ATP8A2: variants seen among roughly 807,000 people sequenced by gnomAD.
The protein encoded by ATP8A2 is ATPase phospholipid transporting 8A2.
Under a neutral mutation model 165.6 loss-of-function variants are expected in ATP8A2, and 100 were observed. The ratio of observed to expected loss-of-function variants is 0.60; its 90% CI spans 0.51 to 0.71. The LOEUF is 0.71. Ranked by LOEUF, ATP8A2 falls within the 30% of genes least tolerant of loss-of-function variation. The pLI is 0.00. For missense variants in ATP8A2, 1,227 were observed against 1,479.5 expected (o/e 0.83, Z 2.80); for synonymous variants, 543 against 548.8 (o/e 0.99, Z 0.15).
intron 13 of ATP8A2, among the ~76,000 whole-genome samples, chr13:25,557,780 T>C (rs939795446): frequency 6.6e-6 from 1 of 152,202 alleles, no homozygotes; most frequent in Non-Finnish European, 1.5e-5. Context: ...TTCATCCTAA[T>C]TGAGGATATG....
At chr13:25,816,199 G>A (rs534776378) in intron 27 of ATP8A2, among the ~76,000 whole-genome samples, 4 of 152,240 alleles carry the variant, frequency 2.6e-5, no homozygotes, top group Admixed American at 2.6e-4. Flanking sequence ...TACCAAAAAG[G>A]ACATAAAACA....
intron 26 of ATP8A2, 100 bp downstream of exon 26, chr13:25,769,329 C>T: frequency 8.4e-7 from 1 of 1,185,260 alleles, no homozygotes; most frequent in East Asian, 2.5e-5. Flanking sequence ...AAACCTCTGC[C>T]ACCCCTCTTG....
At chr13:25,848,580 A>C (rs1209252214) in intron 30 of ATP8A2, among the ~76,000 whole-genome samples, 1 of 152,236 alleles carries the variant, frequency 6.6e-6, no homozygotes, top group Non-Finnish European at 1.5e-5. Flanking sequence ...AAAAAAGAGA[A>C]AGATTGAAAT....
intron 24 of ATP8A2, among the ~76,000 whole-genome samples, chr13:25,692,537 T>G (rs1350538244): frequency 6.6e-6 from 1 of 152,184 alleles, no homozygotes; most frequent in African/African-American, 2.4e-5. Flanking sequence ...TCTAGAAGTT[T>G]TCATCTCTCC....
chr13:25,725,462 G>A (rs1331300538), intron 25 of ATP8A2, among the ~76,000 whole-genome samples: 1 of 152,196 alleles, frequency 6.6e-6, no homozygotes, highest in Non-Finnish European at 1.5e-5. Context: ...CCTCTGAGAT[G>A]ACTATTCCCA....
chr13:25,596,578 A>G (rs2040241649), intron 24 of ATP8A2, among the ~76,000 whole-genome samples: 2 of 152,134 alleles, frequency 1.3e-5, no homozygotes, highest in African/African-American at 4.8e-5. Context: ...ATATTCATCC[A>G]TGTTGCTGTG....
At chr13:25,873,043 G>A (rs1362777844) in intron 33 of ATP8A2, among the ~76,000 whole-genome samples, 2 of 152,088 alleles carry the variant, frequency 1.3e-5, no homozygotes, top group African/African-American at 2.4e-5. Context: ...CTTGACCAAC[G>A]CAGATCTGGA....
intron 16 of ATP8A2, among the ~76,000 whole-genome samples, chr13:25,566,253 G>C (rs1388924790): frequency 1.3e-5 from 2 of 151,954 alleles, no homozygotes; most frequent in African/African-American, 4.8e-5. Context: ...TGGAGTCTAT[G>C]TTCTGTTTCA....
intron 1 of ATP8A2, among the ~76,000 whole-genome samples, chr13:25,391,168 C>T (rs1205000419): frequency 6.6e-6 from 1 of 152,176 alleles, no homozygotes; most frequent in African/African-American, 2.4e-5. Flanking sequence ...TATCCTGCTT[C>T]TGGGAAGAAT....
At chr13:25,838,563 A>ATT (rs538099896) in intron 29 of ATP8A2, among the ~76,000 whole-genome samples, 8 of 145,600 alleles carry the variant, frequency 5.5e-5, no homozygotes, top group African/African-American at 1.3e-4. Context: ...ACTTTGAAGA[A>ATT]TTTTTTTTTT....
At chr13:25,406,830 C>T (rs962773648) in intron 1 of ATP8A2, among the ~76,000 whole-genome samples, 5 of 152,198 alleles carry the variant, frequency 3.3e-5, no homozygotes, top group African/African-American at 7.2e-5. Context: ...TTTCACAAAC[C>T]GTTGTATAGC....
intron 2 of ATP8A2, among the ~76,000 whole-genome samples, chr13:25,478,427 A>C (rs2036055988): frequency 6.6e-6 from 1 of 152,182 alleles, no homozygotes; most frequent in African/African-American, 2.4e-5. Flanking sequence ...TTCAAGAGGG[A>C]CAATGCTTAG....
intron 24 of ATP8A2, among the ~76,000 whole-genome samples, chr13:25,612,891 C>A (rs544619083): frequency 6.6e-6 from 1 of 152,110 alleles, no homozygotes; most frequent in East Asian, 1.9e-4. Context: ...ATATAATGTT[C>A]CTCTTTGTCT....
intron 25 of ATP8A2, among the ~76,000 whole-genome samples, chr13:25,742,681 C>CTTT (rs11395602): frequency 2.1e-4 from 28 of 130,678 alleles, no homozygotes; most frequent in African/African-American, 6.2e-4. Context: ...CTCTCTCTGT[C>CTTT]TTTTTTTTTT....
chr13:25,990,103 C>T (rs1956355964), intron 35 of ATP8A2, among the ~76,000 whole-genome samples: 1 of 152,150 alleles, frequency 6.6e-6, no homozygotes, highest in Non-Finnish European at 1.5e-5. Context: ...AGGAGAAAGG[C>T]CTTGTGGCCT....
At chr13:25,979,742 C>T (rs1956140134) in intron 35 of ATP8A2, among the ~76,000 whole-genome samples, 2 of 152,134 alleles carry the variant, frequency 1.3e-5, no homozygotes, top group Admixed American at 1.3e-4. Context: ...TAGAGCTCGC[C>T]TGGTAGTGGG....
At chr13:26,018,171 C>A (rs544847452) in intron 36 of ATP8A2, among the ~76,000 whole-genome samples, 1 of 152,378 alleles carries the variant, frequency 6.6e-6, no homozygotes, top group South Asian at 2.1e-4. Flanking sequence ...CCCCGATAAC[C>A]CCCCTGAGCC....
chr13:25,613,493 GAA>G (rs2040743107), intron 24 of ATP8A2, among the ~76,000 whole-genome samples: 1 of 152,170 alleles, frequency 6.6e-6, no homozygotes, highest in Non-Finnish European at 1.5e-5. Flanking sequence ...AGAATTGCTT[GAA>G]GCTGGGAGGT....
intron 25 of ATP8A2, among the ~76,000 whole-genome samples, chr13:25,768,655 C>T (rs2044547270): frequency 6.6e-6 from 1 of 152,080 alleles, no homozygotes; most frequent in African/African-American, 2.4e-5. Context: ...TATGATGTAC[C>T]ATAAAGCAAA....
Sources: gnomAD v4.1 joint callset for allele counts (sites outside exome capture counted in the v4.1 genomes callset) on GRCh38, gnomAD v4.1.1 for gene constraint, MANE v1.5 for transcripts, NCBI Gene and HGNC (gene_info 2026-07-23, HGNC 2026-07-21) for gene names.